PCDHGA1: variants seen among roughly 807,000 people sequenced by gnomAD.
PCDHGA1 encodes the protein protocadherin gamma subfamily A, 1.
Under a neutral mutation model 58.0 loss-of-function variants are expected in PCDHGA1, and 32 were observed. The ratio of observed to expected loss-of-function variants is 0.55; its 90% confidence interval spans 0.42 to 0.74. The LOEUF is 0.74. Among genes scored for constraint, PCDHGA1 ranks in the 30% least tolerant of loss-of-function variants. The probability of loss-of-function intolerance (pLI) is 0.00; values close to 1 mark genes in which losing one functional copy is unlikely to be tolerated. For synonymous variants in PCDHGA1, 498 were observed against 501.1 expected, an observed-to-expected ratio of 0.99 and a Z score of 0.08; for missense variants, 1,205 against 1,182.3, an observed-to-expected ratio of 1.02 and a Z score of -0.28.
intron 1 of PCDHGA1, chr5:141,340,374 G>A (rs377136757): frequency 6.2e-5 from 100 of 1,613,978 alleles, no homozygotes; most frequent in Non-Finnish European, 6.6e-5. Context: ...AACCCCAGAG[G>A]AGCCTCTGTC....
At chr5:141,424,526 T>C (rs1020206614) in intron 1 of PCDHGA1, 2 of 152,216 alleles carry the variant, frequency 1.3e-5, no homozygotes, top group Non-Finnish European at 2.9e-5. Context: ...AGTAAATCCA[T>C]ATATAGAAAT....
Position 141,493,022 on chromosome 5 carries a change from G to T in PCDHGA1, c.2422-1785G>T, listed in dbSNP as rs1184742888. ...GCTATAGGCTCTGCCAGATGCCAGG[G>T]TGCCCTTATGTGTGAGGAAACTACA... On this transcript the variant is annotated intron_variant, in intron 1 of 3. Transcript: ENST00000517417. The surrounding 1 kb of genome is among the most constrained non-coding windows in gnomAD (Gnocchi z 4.3). Among the ~76,000 whole-genome samples the T allele has an allele frequency of 1.3e-5, 2 of 152,222 alleles. No individual in the cohort carries two copies. Among genetic ancestry groups the T allele is most frequent in the Admixed American group, 1.3e-4 (2 of 15,282 alleles).
chr5:141,444,152 ATTTTTTTTTTTTTT>A (rs747671382), intron 1 of PCDHGA1, among the ~76,000 whole-genome samples: 241 of 33,882 alleles, frequency 7.1e-3, no homozygotes, highest in African/African-American at 0.019. Flanking sequence ...TGTGTACTGG[ATTTTTTTTTTTTTT>A]TTTTTTTTTT....
intron 1 of PCDHGA1, among the ~76,000 whole-genome samples, chr5:141,473,366 A>T (rs1292258135): frequency 1.3e-5 from 2 of 152,202 alleles, no homozygotes; most frequent in Non-Finnish European, 2.9e-5. Context: ...GGCCACCAAA[A>T]TAGCATGGTC....
chr5:141,402,977 C>T, intron 1 of PCDHGA1: 2 of 1,608,138 alleles, frequency 1.2e-6, no homozygotes, highest in Non-Finnish European at 8.5e-7. Flanking sequence ...CAAATGCCAG[C>T]TCCGCGGAAG....
At chr5:141,405,881 T>C (rs998587989) in intron 1 of PCDHGA1, among the ~76,000 whole-genome samples, 4 of 152,210 alleles carry the variant, frequency 2.6e-5, no homozygotes, top group Admixed American at 2.6e-4. Flanking sequence ...GGCCTAATTG[T>C]TGCTCCAACA....
chr5:141,330,967 CTCTGCGCTCAGA>C lies in PCDHGA1; in HGVS notation c.284_295del (p.Leu95_Ser99delinsArg), dbSNP rs1656687201. 1 of 1,614,196 alleles carries C rather than the reference CTCTGCGCTCAGA, an allele frequency of 6.2e-7. No homozygotes were observed. The highest frequency in any genetic ancestry group is 1.7e-5 in the Admixed American group (1 of 60,024). ...CGCGCGCAGGATAGACCGGGAGGAGCTCTGCGCTCAGAGCATGCCGTGTCTCGTGAGTTTTAA... is the reference window on the plus strand; with the variant it reads ...CGCGCGCAGGATAGACCGGGAGGAGCGCATGCCGTGTCTCGTGAGTTTTAA... On this transcript the variant is annotated inframe_deletion, in exon 1 of 4. Transcript: ENST00000517417.
At position 141,339,365 on chromosome 5, in the gene PCDHGA1, C is replaced by A. The variant is rs747815340; in HGVS notation, c.2421+6260C>A. 7 of 1,614,068 alleles carry A rather than the reference C, an allele frequency of 4.3e-6. No individual in the cohort carries two copies. In the East Asian group the frequency reaches 8.9e-5, roughly 21 times the overall value. On this transcript the variant is annotated intron_variant, in intron 1 of 3. Transcript: ENST00000517417. ...AACAGATATTAACGATAATGCCCCTCGCTTTGGAGTAGAGGAACTGGAGCT... is the reference window on the plus strand; with the variant it reads ...AACAGATATTAACGATAATGCCCCTAGCTTTGGAGTAGAGGAACTGGAGCT...
chr5:141,443,183 TTCTC>T (rs2098370937), intron 1 of PCDHGA1, among the ~76,000 whole-genome samples: 1 of 152,184 alleles, frequency 6.6e-6, no homozygotes, highest in Non-Finnish European at 1.5e-5. Context: ...CACTGCATCA[TTCTC>T]TATAGTACAA....
At chr5:141,364,392 G>A in intron 1 of PCDHGA1, 1 of 1,603,098 alleles carries the variant, frequency 6.2e-7, no homozygotes, top group East Asian at 2.2e-5. Flanking sequence ...ATGCTCCTGG[G>A]GACGCTGTGC....
rs1167955962 is a variant in PCDHGA1, at chr5:141,477,078, A to G, written c.2422-17729A>G. ...GAGGACACCAAACTCCATGAGATTT[A>G]CATCCAGGCCAAAGACAAGGGCGCC... On this transcript the variant is annotated intron_variant, in intron 1 of 3. Transcript: ENST00000517417. This position sits in a 1 kb window ranked among gnomAD's most constrained non-coding sequence, Gnocchi z 4.9. The G allele has an allele frequency of 6.8e-6, 11 of 1,614,262 alleles. No individual in the cohort carries two copies. In the South Asian group the frequency reaches 1.2e-4, roughly 18 times the overall value.
At chr5:141,333,839 G>A (rs1276411655) in intron 1 of PCDHGA1, 1 of 152,296 alleles carries the variant, frequency 6.6e-6, no homozygotes, top group African/African-American at 2.4e-5. Context: ...GGTGTGAGCT[G>A]TGGTGCCTGT....
Position 141,491,458 on chromosome 5 carries a change from G to C in PCDHGA1, c.2422-3349G>C. 1 of 1,614,092 alleles carries C rather than the reference G, an allele frequency of 6.2e-7. No individual in the cohort carries two copies. The highest frequency in any genetic ancestry group is 8.5e-7 in the Non-Finnish European group (1 of 1,180,022). On this transcript the variant is annotated intron_variant, in intron 1 of 3. Coordinates refer to ENST00000517417, the MANE Select transcript of PCDHGA1 (RefSeq NM_018912.3). The surrounding 1 kb of genome is among the most constrained non-coding windows in gnomAD (Gnocchi z 6.9). Reference sequence around the variant, plus strand: ...CAGGCGCCAGGACTCACCCTCCCCGGACTTCTATAAGCAGTCCAGCCCCAA... The same window carrying C: ...CAGGCGCCAGGACTCACCCTCCCCGCACTTCTATAAGCAGTCCAGCCCCAA...
At chr5:141,479,620 G>A (rs2099501211) in intron 1 of PCDHGA1, 2 of 152,192 alleles carry the variant, frequency 1.3e-5, no homozygotes, top group African/African-American at 4.8e-5. Context: ...GGGAAACCAT[G>A]TCTCTTTAAC....
Position 141,415,396 on chromosome 5 carries a change from G to A in PCDHGA1, c.2422-79411G>A, listed in dbSNP as rs11575962. 4,865 of 1,614,204 alleles carry A rather than the reference G, an allele frequency of 3.0e-3. 27 individuals are homozygous for A. The highest frequency in any genetic ancestry group is 0.011 in the Admixed American group (656 of 60,024). ...AGGAGGCGGCTTGACAGGTGTGTCC[G>A]GCTCGCACTTTGTGGGCGTGGACGG... On this transcript the variant is annotated intron_variant, in intron 1 of 3. Coordinates refer to ENST00000517417, the MANE Select transcript of PCDHGA1 (RefSeq NM_018912.3).
intron 1 of PCDHGA1, chr5:141,423,365 T>A (rs1338039878): frequency 1.9e-6 from 3 of 1,614,096 alleles, no homozygotes; most frequent in South Asian, 1.1e-5. Context: ...ATCGTGCTGC[T>A]GGCACTCAGG....
At position 141,512,967 on chromosome 5, in the gene PCDHGA1, T is replaced by C. The variant is rs2099884538; in HGVS notation, c.*1794T>C. ...CGACAAAAAAATAATAAAACGTTTC[T>C]TCTGAAAAGCTGAACGTTTCTGTAT... On this transcript the variant is annotated 3_prime_UTR_variant, in exon 4 of 4. Transcript: ENST00000517417. The C allele has an allele frequency of 6.6e-6, 1 of 152,260 alleles. No individual in the cohort carries two copies. Among genetic ancestry groups the C allele is most frequent in the South Asian group, 2.1e-4 (1 of 4,832 alleles). The allele number at this position is 152,260 out of a possible 1,614,324, so 9.4% of individuals were successfully genotyped here.
intron 1 of PCDHGA1, chr5:141,351,280 C>T: frequency 1.2e-6 from 2 of 1,613,752 alleles, no homozygotes; most frequent in Non-Finnish European, 1.7e-6. Context: ...ATGACAATGC[C>T]CCAGAGGTGA....
At chr5:141,403,546 C>A (rs62378450) in intron 1 of PCDHGA1, 1 of 1,613,984 alleles carries the variant, frequency 6.2e-7, no homozygotes, top group South Asian at 1.1e-5. Flanking sequence ...TGCTGGAGCG[C>A]GCCCTGGACA....
Sources: gnomAD v4.1 joint callset for allele counts (sites outside exome capture counted in the v4.1 genomes callset) on GRCh38, gnomAD v4.1.1 for gene constraint, Gnocchi (gnomAD v3.1) non-coding constraint, MANE v1.5 for transcripts, NCBI Gene and HGNC (gene_info 2026-07-23, HGNC 2026-07-21) for gene names.